IGF2: variants seen among roughly 807,000 people sequenced by gnomAD.
The protein encoded by IGF2 is insulin-like growth factor 2.
In IGF2, 2 loss-of-function variants were observed where a neutral mutation model predicts 12.0. The observed-to-expected ratio is 0.17, with a 90% CI of 0.07 to 0.52. The LOEUF is 0.52. IGF2 is among the 20% of genes least tolerant of loss of function. The probability of loss-of-function intolerance (pLI) is 0.95; values close to 1 mark genes in which losing one functional copy is unlikely to be tolerated. For synonymous variants in IGF2, 105 were observed against 110.1 expected (o/e 0.95, Z 0.29); for missense variants, 211 against 268.0 (o/e 0.79, Z 1.48).
upstream of IGF2, chr11:2,140,320 A>G (rs1490873180): frequency 1.2e-6 from 2 of 1,601,534 alleles, no homozygotes; most frequent in Non-Finnish European, 1.7e-6. Flanking sequence ...TGAACGATGT[A>G]AGAAAGCACT....
At chr11:2,143,696 A>C (rs568922582), upstream of IGF2, among the ~76,000 whole-genome samples, 7 of 152,336 alleles carry the variant, frequency 4.6e-5, no homozygotes, top group Admixed American at 2.0e-4. Flanking sequence ...GCCGGGACTG[A>C]TGTGTTTTGA....
chr11:2,144,340 A>G (rs1484275290), upstream of IGF2, among the ~76,000 whole-genome samples: 1 of 151,984 alleles, frequency 6.6e-6, no homozygotes, highest in Non-Finnish European at 1.5e-5. Flanking sequence ...CCGAGCCGCC[A>G]CCGGGGGCAG....
At position 2,138,450 on chromosome 11, in the gene IGF2, G is replaced by A. The variant is rs1859265395; in HGVS notation, c.-228C>T. ...GGACGGGCTGTCTTCGGGCTGGGGCGGGCCAGATGTTGTACTTTTCGGGGG... is the reference window on the plus strand; with the variant it reads ...GGACGGGCTGTCTTCGGGCTGGGGCAGGCCAGATGTTGTACTTTTCGGGGG... On this transcript the variant is annotated 5_prime_UTR_variant, in exon 1 of 4. Transcript: ENST00000416167. The A allele has an allele frequency of 2.2e-6, 2 of 910,256 alleles. No individual in the cohort carries two copies. Among genetic ancestry groups the A allele is most frequent in the Non-Finnish European group, 2.6e-6 (2 of 764,554 alleles). 56.4% of individuals were successfully genotyped at this position (910,256 alleles called of 1,614,324 possible).
In IGF2 at chr11:2,131,691, TTG is replaced by T. The variant is rs776461028; in HGVS notation, c.*1294_*1295del. On this transcript the variant is annotated 3_prime_UTR_variant, in exon 4 of 4. Coordinates refer to ENST00000416167, the MANE Select transcript of IGF2 (RefSeq NM_000612.6). ...TGCTGTGTGCATGTGTGTGCTGTGT[TTG>T]TGTGTGTGCTGTGTGTGCTGTGTTC... 19 of 175,060 alleles carry T rather than the reference TTG, an allele frequency of 1.1e-4. No homozygotes were observed. The highest frequency in any genetic ancestry group is 2.2e-3 in the Middle Eastern group (1 of 450). 10.8% of individuals were successfully genotyped at this position (175,060 alleles called of 1,614,324 possible).
In IGF2 at chr11:2,138,707, G is replaced by A; in HGVS notation, c.-485C>T. 2.7e-6 allele frequency: 2 copies of A among 743,528 alleles called. No homozygotes were observed. Among genetic ancestry groups the A allele is most frequent in the Non-Finnish European group, 1.6e-6 (1 of 614,644 alleles). The allele number at this position is 743,528 out of a possible 1,614,324, so 46.1% of individuals were successfully genotyped here. ...GAAGGCGAGAGGGCGGGCGTGAGGG[G>A]GGGAGGGAGTCGGAGGCTAGGAGCT... On this transcript the variant is annotated 5_prime_UTR_variant, in exon 1 of 4. Coordinates refer to ENST00000416167, the MANE Select transcript of IGF2 (RefSeq NM_000612.6).
chr11:2,130,309 A>G lies in IGF2; in HGVS notation c.*2678T>C, dbSNP rs1433182219. ...CTGGGGACCAGCCACTGTCCCCAGA[A>G]GCCAGGCCGGACAGTGGCCTTCTCC... On this transcript the variant is annotated 3_prime_UTR_variant, in exon 4 of 4. Transcript: ENST00000416167. 4.3e-6 allele frequency: 1 copy of G among 229,902 alleles called. No homozygotes were observed. Among genetic ancestry groups the G allele is most frequent in the Non-Finnish European group, 8.6e-6 (1 of 116,080 alleles). 14.2% of individuals were successfully genotyped at this position (229,902 alleles called of 1,614,324 possible). A position where few individuals can be genotyped will look rare whatever the true frequency, so the allele number is the denominator to read the frequency against.
At position 2,138,843 on chromosome 11, in the gene IGF2, G is replaced by C; in HGVS notation, c.-621C>G. 1 of 954,962 alleles carries C rather than the reference G, an allele frequency of 1.0e-6. No individual in the cohort carries two copies. The highest frequency in any genetic ancestry group is 1.2e-6 in the Non-Finnish European group (1 of 803,774). 59.2% of individuals were successfully genotyped at this position (954,962 alleles called of 1,614,324 possible). On this transcript the variant is annotated 5_prime_UTR_variant, in exon 1 of 4. Transcript: ENST00000416167. ...AGAGAAGCGGAGGGAAGGGCGCCAC[G>C]TCGAGGGGCCGGGGGAGGCGGTGAC... is the stretch of plus-strand genomic sequence containing the variant.
At chr11:2,139,758 C>T (rs1177120681), upstream of IGF2, among the ~76,000 whole-genome samples, 1 of 151,816 alleles carries the variant, frequency 6.6e-6, no homozygotes, top group Non-Finnish European at 1.5e-5. Flanking sequence ...TCCGGGCAGG[C>T]AGGGGCAGGC....
chr11:2,135,496 GCAT>G lies in IGF2; in HGVS notation c.25_27del (p.Met9del). The G allele has an allele frequency of 1.2e-6, 2 of 1,613,628 alleles. No homozygotes were observed. The highest frequency in any genetic ancestry group is 1.7e-6 in the Non-Finnish European group (2 of 1,179,852). On this transcript the variant is annotated inframe_deletion, in exon 2 of 4. Transcript: ENST00000416167. ...AAGGCCAAGAAGGTGAGAAGCACCA[GCAT>G]CGACTTCCCCATTGGGATTCCCATT...
upstream of IGF2, chr11:2,140,699 C>G (rs1859519060): frequency 4.4e-6 from 2 of 452,856 alleles, no homozygotes; most frequent in Admixed American, 2.5e-5. Flanking sequence ...CGAGCGCAGC[C>G]GCCAGCCGCA....
chr11:2,148,170 C>T, the IGF2 span: 7 of 208,612 alleles, frequency 3.4e-5, no homozygotes, highest in East Asian at 1.0e-4. The surrounding 1 kb of genome is among the most constrained non-coding windows in gnomAD (Gnocchi z 4.3). Flanking sequence ...GGTCATGGCA[C>T]GGAATATGAA....
In IGF2 at chr11:2,133,462, C is replaced by T; in HGVS notation, c.306+55G>A. The T allele has an allele frequency of 1.3e-6, 2 of 1,538,892 alleles. No individual in the cohort carries two copies. The highest frequency in any genetic ancestry group is 1.7e-6 in the Non-Finnish European group (2 of 1,143,396). On this transcript the variant is annotated intron_variant, in intron 3 of 3. Coordinates refer to ENST00000416167, the MANE Select transcript of IGF2 (RefSeq NM_000612.6). This position sits in a 1 kb window ranked among gnomAD's most constrained non-coding sequence, Gnocchi z 8.9. ...AGAGGCCACAGGAAACGCTGGGCGCCCGAAGCCCTATTTCTCTGTCTCTAG... is the reference window on the plus strand; with the variant it reads ...AGAGGCCACAGGAAACGCTGGGCGCTCGAAGCCCTATTTCTCTGTCTCTAG...
chr11:2,146,333 C>T, the IGF2 span: 6 of 535,840 alleles, frequency 1.1e-5, no homozygotes, highest in African/African-American at 7.7e-5. Flanking sequence ...GTCCTCAGAG[C>T]GCCCCTCCGT....
chr11:2,137,933 C>T (rs545270563), intron 1 of IGF2, among the ~76,000 whole-genome samples: 9 of 152,300 alleles, frequency 5.9e-5, no homozygotes, highest in Middle Eastern at 3.4e-3. Flanking sequence ...ACCCCCTGCA[C>T]CCACAGACCG....
chr11:2,139,578 G>GT (rs1165550807), upstream of IGF2, among the ~76,000 whole-genome samples: 4,677 of 146,182 alleles, frequency 0.032, 258 homozygotes, highest in Middle Eastern at 0.13. Context: ...TGGGGCCCCG[G>GT]GGGGGGGGCG....
At chr11:2,147,689 G>T in the IGF2 span, 1 of 1,250,642 alleles carries the variant, frequency 8.0e-7, no homozygotes, top group East Asian at 3.0e-5. The surrounding 1 kb of genome is among the most constrained non-coding windows in gnomAD (Gnocchi z 7.2). Context: ...CTGGCCTGCT[G>T]GGGCTCAGGC....
Position 2,139,050 on chromosome 11 carries a change from T to C in IGF2, c.-828A>G. Reference sequence around the variant, plus strand: ...CGAGGCTGCGCGCCGGGGGGAGGGCTGGAGGGGGAGCGCGGGGGGGGGTGA... The same window carrying C: ...CGAGGCTGCGCGCCGGGGGGAGGGCCGGAGGGGGAGCGCGGGGGGGGGTGA... On this transcript the variant is annotated 5_prime_UTR_variant, in exon 1 of 4. Coordinates refer to ENST00000416167, the MANE Select transcript of IGF2 (RefSeq NM_000612.6). 7.2e-6 allele frequency: 1 copy of C among 138,946 alleles called. No individual in the cohort carries two copies. Among genetic ancestry groups the C allele is most frequent in the Non-Finnish European group, 8.2e-6 (1 of 122,348 alleles). 8.6% of individuals were successfully genotyped at this position (138,946 alleles called of 1,614,324 possible).
chr11:2,142,007 C>T (rs569941577), upstream of IGF2, among the ~76,000 whole-genome samples: 80 of 152,180 alleles, frequency 5.3e-4, no homozygotes, highest in Middle Eastern at 0.01. The surrounding 1 kb of genome is among the most constrained non-coding windows in gnomAD (Gnocchi z 5.7). Context: ...TGGAAATTAC[C>T]CAATGGAGAT....
At position 2,132,117 on chromosome 11, in the gene IGF2, TG is replaced by T. The variant is rs1435624319; in HGVS notation, c.*869del. The T allele has an allele frequency of 4.8e-6, 1 of 210,394 alleles. No individual in the cohort carries two copies. Among genetic ancestry groups the T allele is most frequent in the African/African-American group, 2.3e-5 (1 of 43,682 alleles). 13.0% of individuals were successfully genotyped at this position (210,394 alleles called of 1,614,324 possible). On this transcript the variant is annotated 3_prime_UTR_variant, in exon 4 of 4. Coordinates refer to ENST00000416167, the MANE Select transcript of IGF2 (RefSeq NM_000612.6). ...TGTTGTGTGTGTGTAGCTGCGGGGATGCATAAAGTATGAGTGCTTTTTAGGA... is the reference window on the plus strand; with the variant it reads ...TGTTGTGTGTGTGTAGCTGCGGGGATCATAAAGTATGAGTGCTTTTTAGGA...
Sources: gnomAD v4.1 joint callset for allele counts (sites outside exome capture counted in the v4.1 genomes callset) on GRCh38, gnomAD v4.1.1 for gene constraint, Gnocchi (gnomAD v3.1) non-coding constraint, MANE v1.5 for transcripts, NCBI Gene and HGNC (gene_info 2026-07-23, HGNC 2026-07-21) for gene names.